Variants in WSCD1 observed in about 807,000 individuals in gnomAD.
The protein encoded by WSCD1 is sialate:O-sulfotransferase 1.
In WSCD1, 41 loss-of-function variants were observed where a neutral mutation model predicts 60.4. That is an observed-to-expected ratio of 0.68 (90% confidence interval 0.53 to 0.88). WSCD1 has a LOEUF of 0.88. Ranked by LOEUF, WSCD1 falls within the 40% of genes least tolerant of loss-of-function variation. The pLI is 0.00. For missense variants in WSCD1, 784 were observed against 796.2 expected (o/e 0.98, Z 0.18); for synonymous variants, 361 against 332.5 (o/e 1.09, Z -0.93).
intron 5 of WSCD1, among the ~76,000 whole-genome samples, chr17:6,099,428 T>A (rs12450087): frequency 6.6e-6 from 1 of 151,240 alleles, no homozygotes; most frequent in Non-Finnish European, 1.5e-5. Context: ...GGGAGGAGAA[T>A]CGCTTGAACC....
chr17:6,071,896 G>C (rs557699636), intron 1 of WSCD1, among the ~76,000 whole-genome samples: 1 of 152,304 alleles, frequency 6.6e-6, no homozygotes, highest in East Asian at 1.9e-4. Context: ...CTCCGGGAAG[G>C]GGCCTCAACC....
At chr17:6,090,749 GA>G (rs1909982016) in intron 4 of WSCD1, among the ~76,000 whole-genome samples, 1 of 152,176 alleles carries the variant, frequency 6.6e-6, no homozygotes, top group African/African-American at 2.4e-5. Context: ...GCAGGAGAGA[GA>G]AACTGATTAG....
chr17:6,075,583 T>C lies in WSCD1; in HGVS notation c.-288-4788T>C, dbSNP rs1314663199. ...ATATCCAGGTGCTCTGGGCTCCTGC[T>C]CCCTCCCTGAGACTTCCAGAAGCCC... is the stretch of plus-strand genomic sequence containing the variant. On this transcript the variant is annotated intron_variant, in intron 1 of 8. Transcript: ENST00000317744. This position sits in a 1 kb window ranked among gnomAD's most constrained non-coding sequence, Gnocchi z 4.1. Among the ~76,000 whole-genome samples the C allele has an allele frequency of 1.3e-5, 2 of 152,110 alleles. No homozygotes were observed. Among genetic ancestry groups the C allele is most frequent in the Non-Finnish European group, 2.9e-5 (2 of 68,028 alleles).
At position 6,122,756 on chromosome 17, in the gene WSCD1, G is replaced by T. The variant is rs1357682261; in HGVS notation, c.*2095G>T. The T allele has an allele frequency of 6.6e-6, 1 of 152,320 alleles. No individual in the cohort carries two copies. The highest frequency in any genetic ancestry group is 1.5e-5 in the Non-Finnish European group (1 of 68,150). 9.4% of individuals were successfully genotyped at this position (152,320 alleles called of 1,614,324 possible). ...TAGTTGGATTGGTACATTCACTGCT[G>T]CCAGGTACCCAGAGATGTCATCTCT... On this transcript the variant is annotated 3_prime_UTR_variant, in exon 9 of 9. Coordinates refer to ENST00000317744, the MANE Select transcript of WSCD1 (RefSeq NM_015253.2).
In WSCD1 at chr17:6,102,072, T is replaced by G. The variant is rs1335466782; in HGVS notation, c.849+6849T>G. Among the ~76,000 whole-genome samples, 3 of 152,256 alleles carry G rather than the reference T, an allele frequency of 2.0e-5. No homozygotes were observed. The East Asian group carries it at 5.8e-4, about 29-fold the overall frequency. On this transcript the variant is annotated intron_variant, in intron 5 of 8. Transcript: ENST00000317744. ...AGGAAGAAAGGTGTTGAGCTTTCTT[T>G]TTCCCCTCTTTTAGCCTCTTTTGGG...
In WSCD1 at chr17:6,101,467, G is replaced by A. The variant is rs1910796055; in HGVS notation, c.849+6244G>A. Among the ~76,000 whole-genome samples the A allele has an allele frequency of 6.6e-6, 1 of 151,988 alleles. No individual in the cohort carries two copies. The highest frequency in any genetic ancestry group is 1.5e-5 in the Non-Finnish European group (1 of 68,006). ...AAAAGAGGAGGGGGTTCCTTGTAGT[G>A]CCCCCACCTTTGAGCACCATCTGAG... On this transcript the variant is annotated intron_variant, in intron 5 of 8. Transcript: ENST00000317744. This position sits in a 1 kb window ranked among gnomAD's most constrained non-coding sequence, Gnocchi z 4.1.
intron 7 of WSCD1, among the ~76,000 whole-genome samples, chr17:6,111,650 G>A (rs988266248): frequency 1.4e-5 from 2 of 143,460 alleles, no homozygotes; most frequent in African/African-American, 2.6e-5. Flanking sequence ...GCAGTGAGTC[G>A]AGATTATGCC....
rs767398635 is a variant in WSCD1, at chr17:6,109,746, T to G, written c.989T>G (p.Val330Gly). Reference protein sequence around the residue: ...EAQRLAEYCEVYQTPVQDTRC... With the variant: ...EAQRLAEYCEGYQTPVQDTRC... ...CAGAGGCTGGCAGAATACTGTGAGG[T>G]CTACCAGACACCTGTGCAAGGTGGG... The change falls in exon 6 of 9, where the codon GTC (valine) becomes GGC (glycine). Residue 330 changes from valine to glycine, a missense_variant. Transcript: ENST00000317744. The G allele has an allele frequency of 6.2e-7, 1 of 1,613,714 alleles. No individual in the cohort carries two copies. Among genetic ancestry groups the G allele is most frequent in the East Asian group, 2.2e-5 (1 of 44,852 alleles).
chr17:6,077,011 A>G (rs916203265), intron 1 of WSCD1, among the ~76,000 whole-genome samples: 6 of 151,518 alleles, frequency 4.0e-5, no homozygotes, highest in Non-Finnish European at 8.8e-5. Flanking sequence ...TTGAGGAGAG[A>G]CAGTGTGATG....
At chr17:6,098,162 G>GC (rs890075679) in intron 5 of WSCD1, among the ~76,000 whole-genome samples, 21 of 148,166 alleles carry the variant, frequency 1.4e-4, no homozygotes, top group East Asian at 8.2e-4. Flanking sequence ...GGGGTGGGGG[G>GC]GGTCTCACCA....
chr17:6,094,774 AGAAG>A (rs1207578787), intron 4 of WSCD1, among the ~76,000 whole-genome samples: 7 of 141,704 alleles, frequency 4.9e-5, no homozygotes, highest in African/African-American at 1.1e-4. Context: ...CAGAAGCAAG[AGAAG>A]GAAGGAAGGA....
chr17:6,082,185 C>T (rs752306722), intron 2 of WSCD1, among the ~76,000 whole-genome samples: 11 of 152,078 alleles, frequency 7.2e-5, no homozygotes, highest in Non-Finnish European at 1.0e-4. Context: ...AGTCAATTGC[C>T]AAGGTTATTC....
chr17:6,090,474 T>G lies in WSCD1; in HGVS notation c.696T>G (p.Arg232=). The G allele has an allele frequency of 6.2e-7, 1 of 1,612,970 alleles. No individual in the cohort carries two copies. The highest frequency in any genetic ancestry group is 8.5e-7 in the Non-Finnish European group (1 of 1,179,528). ...CTGTGGACCGGCTCTCCGTGTACCG[T>G]GTGGACGAGCTGCAGCCGGGCTCCA... is the stretch of plus-strand genomic sequence containing the variant. ...CGAVDRLSVY[R]VDELQPGSRK... Residue 232 remains arginine (R), a synonymous_variant, in exon 4 of 9, where the codon CGT becomes CGG. Coordinates refer to ENST00000317744, the MANE Select transcript of WSCD1 (RefSeq NM_015253.2).
At chr17:6,112,947 T>C (rs951403620) in intron 7 of WSCD1, among the ~76,000 whole-genome samples, 12 of 151,956 alleles carry the variant, frequency 7.9e-5, no homozygotes, top group African/African-American at 2.7e-4. Flanking sequence ...AAAAAACAAT[T>C]CTAAAATTTG....
Position 6,120,899 on chromosome 17 carries a change from C to T in WSCD1, c.*238C>T, listed in dbSNP as rs1187173504. 1.8e-6 allele frequency: 1 copy of T among 560,820 alleles called. No homozygotes were observed. The highest frequency in any genetic ancestry group is 3.0e-5 in the East Asian group (1 of 33,646). 34.7% of individuals were successfully genotyped at this position (560,820 alleles called of 1,614,324 possible). ...CACACCTCCTCAGACACTCAGACAC[C>T]ACTCCAGGCTCATAGCCCCGTCTTG... On this transcript the variant is annotated 3_prime_UTR_variant, in exon 9 of 9. Transcript: ENST00000317744.
At position 6,121,030 on chromosome 17, in the gene WSCD1, G is replaced by T; in HGVS notation, c.*369G>T. The stretch of plus-strand genomic sequence containing the variant: ...GCCAGGCCGTGTGCTCCTGGAGGCT[G>T]GCTGGCTGTCTCTCTCACACAGATA... On this transcript the variant is annotated 3_prime_UTR_variant, in exon 9 of 9. Coordinates refer to ENST00000317744, the MANE Select transcript of WSCD1 (RefSeq NM_015253.2). 3.9e-6 allele frequency: 1 copy of T among 256,526 alleles called. No homozygotes were observed. The highest frequency in any genetic ancestry group is 7.5e-6 in the Non-Finnish European group (1 of 133,226). 15.9% of individuals were successfully genotyped at this position (256,526 alleles called of 1,614,324 possible).
At chr17:6,105,970 A>G (rs2150561710) in intron 5 of WSCD1, among the ~76,000 whole-genome samples, 1 of 152,344 alleles carries the variant, frequency 6.6e-6, no homozygotes, top group Non-Finnish European at 1.5e-5. Context: ...GACTCAAGTT[A>G]GTTTCCAGCA....
At chr17:6,086,779 C>T (rs999514448) in intron 2 of WSCD1, among the ~76,000 whole-genome samples, 2 of 152,320 alleles carry the variant, frequency 1.3e-5, no homozygotes, top group African/African-American at 2.4e-5. Flanking sequence ...CTCCCCCAGC[C>T]GCTGCCCTGG....
At chr17:6,103,555 C>T (rs116060980) in intron 5 of WSCD1, among the ~76,000 whole-genome samples, 2,869 of 152,278 alleles carry the variant, frequency 0.019, 42 homozygotes, top group Middle Eastern at 0.065. Context: ...AGAGAGCCAT[C>T]TGCCCCTGGA....
Sources: gnomAD v4.1 joint callset for allele counts (sites outside exome capture counted in the v4.1 genomes callset) on GRCh38, gnomAD v4.1.1 for gene constraint, Gnocchi (gnomAD v3.1) non-coding constraint, MANE v1.5 for transcripts, NCBI Gene and HGNC (gene_info 2026-07-23, HGNC 2026-07-21) for gene names.